The following ERBB4 variants were observed in gnomAD, a reference collection of about 807,000 sequenced individuals.
The protein encoded by ERBB4 is receptor tyrosine-protein kinase erbB-4.
In ERBB4, 42 loss-of-function variants were observed where a neutral mutation model predicts 158.0. That is an observed-to-expected ratio of 0.27 (90% CI 0.21 to 0.34). ERBB4 has a LOEUF of 0.34. Ranked by LOEUF, ERBB4 falls within the 10% of genes least tolerant of loss-of-function variation. The probability of loss-of-function intolerance (pLI) is 1.00; values close to 1 mark genes in which losing one functional copy is unlikely to be tolerated. For missense variants in ERBB4, 1,333 were observed against 1,624.1 expected (o/e 0.82, Z 3.08); for synonymous variants, 583 against 558.7 (o/e 1.04, Z -0.61).
intron 1 of ERBB4, among the ~76,000 whole-genome samples, chr2:212,310,611 G>GTA (rs1302132284): frequency 3.4e-4 from 2 of 5,968 alleles, no homozygotes; most frequent in East Asian, 0.021. Flanking sequence ...ATATGTATAT[G>GTA]TGTGTGTGTG....
intron 1 of ERBB4, among the ~76,000 whole-genome samples, chr2:212,158,015 T>C (rs1473036024): frequency 6.6e-6 from 1 of 152,052 alleles, no homozygotes; most frequent in African/African-American, 2.4e-5. Flanking sequence ...AGTATAATCC[T>C]TGGGATAAAT....
intron 4 of ERBB4, among the ~76,000 whole-genome samples, chr2:211,772,726 G>A (rs945488234): frequency 4.1e-5 from 6 of 145,002 alleles, no homozygotes; most frequent in Admixed American, 1.4e-4. Context: ...GCTCACTTCA[G>A]TCTTGACCTC....
At chr2:212,265,253 C>A (rs1358991993) in intron 1 of ERBB4, among the ~76,000 whole-genome samples, 2 of 152,018 alleles carry the variant, frequency 1.3e-5, no homozygotes, top group Non-Finnish European at 2.9e-5. Flanking sequence ...TACGTGTATA[C>A]ACATGACACC....
chr2:211,661,793 A>C (rs1026220557), intron 15 of ERBB4, among the ~76,000 whole-genome samples: 1 of 151,740 alleles, frequency 6.6e-6, no homozygotes. Context: ...TAATCCCAGC[A>C]CTTTGGGAGG....
chr2:212,323,050 C>A (rs566029163), intron 1 of ERBB4, among the ~76,000 whole-genome samples: 6 of 150,580 alleles, frequency 4.0e-5, no homozygotes, highest in African/African-American at 1.4e-4. Flanking sequence ...TTTAATTTTT[C>A]TACTTCAGAT....
chr2:212,488,622 T>G (rs1452394477), intron 1 of ERBB4, among the ~76,000 whole-genome samples: 4 of 151,760 alleles, frequency 2.6e-5, no homozygotes, highest in Non-Finnish European at 5.9e-5. Context: ...GACAAAAAAT[T>G]TATTAGAATG....
intron 4 of ERBB4, among the ~76,000 whole-genome samples, chr2:211,787,021 T>C (rs2076181308): frequency 6.6e-6 from 1 of 152,210 alleles, no homozygotes; most frequent in African/African-American, 2.4e-5. Flanking sequence ...AAAACACAGC[T>C]GTCAGTTTTG....
chr2:211,442,399 C>CATCA (rs986332786), intron 20 of ERBB4, among the ~76,000 whole-genome samples: 110 of 152,086 alleles, frequency 7.2e-4, no homozygotes, highest in Middle Eastern at 3.4e-3. Flanking sequence ...TCCATCCATC[C>CATCA]ATCCATCCAT....
At chr2:211,865,731 C>G (rs2078188405) in intron 3 of ERBB4, among the ~76,000 whole-genome samples, 1 of 152,142 alleles carries the variant, frequency 6.6e-6, no homozygotes, top group Non-Finnish European at 1.5e-5. Context: ...GATCAGCCAT[C>G]CATTTGCTCA....
At chr2:211,997,621 T>A (rs2082230179) in intron 2 of ERBB4, among the ~76,000 whole-genome samples, 2 of 152,050 alleles carry the variant, frequency 1.3e-5, no homozygotes, top group South Asian at 4.1e-4. Context: ...GTCTCTCACA[T>A]ACACACTTAA....
intron 3 of ERBB4, among the ~76,000 whole-genome samples, chr2:211,819,127 C>T (rs1687823324): frequency 6.6e-6 from 1 of 152,010 alleles, no homozygotes; most frequent in Admixed American, 6.6e-5. Context: ...TTTCCTGTGG[C>T]AGAGAATATA....
At chr2:212,373,314 T>G (rs1159365887) in intron 1 of ERBB4, among the ~76,000 whole-genome samples, 4 of 152,120 alleles carry the variant, frequency 2.6e-5, no homozygotes, top group African/African-American at 7.2e-5. Flanking sequence ...CAGTTGCAAC[T>G]GATTTGTGAG....
intron 1 of ERBB4, among the ~76,000 whole-genome samples, chr2:212,408,339 G>A (rs1271723475): frequency 2.6e-5 from 4 of 152,096 alleles, no homozygotes; most frequent in Non-Finnish European, 5.9e-5. Flanking sequence ...AGAACATGCG[G>A]TGTTTGGTTT....
At position 211,721,620 on chromosome 2, in the gene ERBB4, C is replaced by CATATATATATATATATATATATAT. The variant is rs71054137; in HGVS notation, c.883+749_883+772dup. Among the ~76,000 whole-genome samples, 219 of 131,832 alleles carry CATATATATATATATATATATATAT rather than the reference C, an allele frequency of 1.7e-3. 3 individuals carry two copies. The highest frequency in any genetic ancestry group is 3.5e-3 in the African/African-American group (112 of 32,058). The allele number at this position is 131,832 out of a possible 152,430, so 86.5% of individuals were successfully genotyped here. Reference sequence around the variant, plus strand: ...TATTTAAGGTTAATTTGCTATTAAACATATATATATATATATATATATATA... The same window carrying CATATATATATATATATATATATAT: ...TATTTAAGGTTAATTTGCTATTAAACATATATATATATATATATATATATATATATATATATATATATATATATA... On this transcript the variant is annotated intron_variant, in intron 7 of 27. Coordinates refer to ENST00000342788, the MANE Select transcript of ERBB4 (RefSeq NM_005235.3).
intron 1 of ERBB4, among the ~76,000 whole-genome samples, chr2:212,494,865 A>G (rs1421738520): frequency 6.6e-6 from 1 of 152,132 alleles, no homozygotes; most frequent in African/African-American, 2.4e-5. Flanking sequence ...CCTGTTAGTC[A>G]TTAATCCCTA....
chr2:211,645,388 CTATA>C (rs2070749173), intron 16 of ERBB4, among the ~76,000 whole-genome samples: 2 of 151,566 alleles, frequency 1.3e-5, no homozygotes, highest in Non-Finnish European at 3.0e-5. Flanking sequence ...AATTTCAAAA[CTATA>C]TAGGATCAAA....
At chr2:212,216,569 A>T (rs16847921) in intron 1 of ERBB4, among the ~76,000 whole-genome samples, 2,116 of 151,434 alleles carry the variant, frequency 0.014, 41 homozygotes, top group African/African-American at 0.049. Flanking sequence ...TGAAGGGTCT[A>T]TGCCATCAGG....
intron 1 of ERBB4, among the ~76,000 whole-genome samples, chr2:212,241,027 G>A (rs1209290245): frequency 6.6e-6 from 1 of 152,066 alleles, no homozygotes; most frequent in Non-Finnish European, 1.5e-5. Context: ...CTTGAAATCA[G>A]ATATAAAAAT....
chr2:212,324,161 C>G (rs1431430141), intron 1 of ERBB4, among the ~76,000 whole-genome samples: 1 of 150,672 alleles, frequency 6.6e-6, no homozygotes, highest in Admixed American at 6.6e-5. Context: ...TATGACCACA[C>G]GAATAACCAG....
Sources: allele counts gnomAD v4.1 joint callset (sites outside exome capture counted in the v4.1 genomes callset), GRCh38; gene constraint gnomAD v4.1.1; transcripts MANE v1.5; gene names NCBI Gene and HGNC (gene_info 2026-07-23, HGNC 2026-07-21).